Variants in ADGRG2 observed in about 807,000 individuals in gnomAD.
ADGRG2 encodes the protein G protein-coupled receptor 64.
Under a neutral mutation model 74.1 loss-of-function variants are expected in ADGRG2, and 26 were observed. The observed-to-expected ratio is 0.35, with a 90% confidence interval of 0.26 to 0.49. The LOEUF (loss-of-function observed/expected upper bound fraction) is 0.49, where lower values mean the gene tolerates loss of function less well. Ranked by LOEUF, ADGRG2 falls within the 20% of genes least tolerant of loss-of-function variation. The pLI is 0.99. For missense variants in ADGRG2, 619 were observed against 763.1 expected (o/e 0.81, Z 2.22); for synonymous variants, 296 against 295.2 (o/e 1.00, Z -0.03).
intron 3 of ADGRG2, among the ~76,000 whole-genome samples, chrX:19,040,505 A>G (rs2061036576): frequency 8.9e-6 from 1 of 112,453 alleles, no homozygotes; most frequent in African/African-American, 3.2e-5. Context: ...GGAGATTAAC[A>G]TCTTTAATGG....
intron 28 of ADGRG2, 79 bp downstream of exon 28, chrX:18,994,817 G>T: frequency 1.2e-6 from 1 of 820,348 alleles, no homozygotes; most frequent in Non-Finnish European, 1.7e-6. Context: ...ACTTTGCTTA[G>T]CCAAAATGCC....
intron 2 of ADGRG2, among the ~76,000 whole-genome samples, chrX:19,072,392 G>C (rs1328531488): frequency 9.0e-6 from 1 of 111,429 alleles, no homozygotes; most frequent in African/African-American, 3.3e-5. Flanking sequence ...TAAGTAAAAT[G>C]TTTTGAGTCC....
chrX:19,033,863 G>A (rs749195746), intron 7 of ADGRG2: 263 of 300,746 alleles, frequency 8.7e-4, no homozygotes, highest in Non-Finnish European at 1.4e-3. Context: ...GGGAGTTGGA[G>A]TTCCATGTTT....
At chrX:19,013,628 A>G in intron 16 of ADGRG2, 58 bp downstream of exon 16, 14 of 1,008,588 alleles carry the variant, frequency 1.4e-5, no homozygotes, top group Non-Finnish European at 1.9e-5. Flanking sequence ...AAGGCTCAAC[A>G]TGGTCTTATC....
chrX:19,008,641 G>C (rs1253566996), intron 18 of ADGRG2, among the ~76,000 whole-genome samples: 4 of 110,527 alleles, frequency 3.6e-5, no homozygotes, highest in Non-Finnish European at 5.7e-5. Flanking sequence ...ACTCAACCCT[G>C]GGTGACAGAG....
chrX:19,109,331 C>T (rs1483235523), intron 1 of ADGRG2, among the ~76,000 whole-genome samples: 1 of 111,768 alleles, frequency 8.9e-6, no homozygotes, highest in Non-Finnish European at 1.9e-5. Context: ...TGTCAAAAAG[C>T]GAATCATCTG....
intron 17 of ADGRG2, among the ~76,000 whole-genome samples, chrX:19,010,128 T>TG (rs1275908871): frequency 1.5e-4 from 16 of 107,686 alleles, no homozygotes; most frequent in African/African-American, 2.0e-4. Flanking sequence ...TTTTTGTTTT[T>TG]TTTTTTTTTT....
chrX:19,079,629 G>A (rs2061809725), intron 2 of ADGRG2, among the ~76,000 whole-genome samples: 1 of 112,264 alleles, frequency 8.9e-6, no homozygotes, highest in Admixed American at 9.5e-5. Flanking sequence ...TTGTTTGTCA[G>A]AGCACAAAGT....
intron 8 of ADGRG2, chrX:19,031,641 AT>A (rs1452118331): frequency 8.9e-6 from 1 of 112,175 alleles, no homozygotes; most frequent in Non-Finnish European, 1.9e-5. Flanking sequence ...AATAAAAAGC[AT>A]TTTTTAATTT....
intron 15 of ADGRG2, among the ~76,000 whole-genome samples, 199 bp from the exon 16 acceptor site, chrX:19,014,273 T>A (rs1484808706): frequency 9.0e-6 from 1 of 110,740 alleles, no homozygotes; most frequent in Non-Finnish European, 1.9e-5. Flanking sequence ...TACCACCTAC[T>A]TCCTGGGAGA....
chrX:18,992,037 CTG>C (rs754652987), intron 28 of ADGRG2, among the ~76,000 whole-genome samples: 1 of 111,751 alleles, frequency 8.9e-6, no homozygotes, highest in African/African-American at 3.3e-5. Context: ...TGCTTCCAAA[CTG>C]TGATCCTTGT....
At chrX:19,074,224 G>A (rs1364528092) in intron 2 of ADGRG2, among the ~76,000 whole-genome samples, 1 of 110,776 alleles carries the variant, frequency 9.0e-6, no homozygotes, top group Non-Finnish European at 1.9e-5. Flanking sequence ...AATGCTAAAA[G>A]CATTTTCTTA....
chrX:19,010,549 G>A, intron 17 of ADGRG2, 64 bp downstream of exon 17: 1 of 919,933 alleles, frequency 1.1e-6, no homozygotes, highest in Non-Finnish European at 1.5e-6. Context: ...TATTAATCAT[G>A]TGAGCAGCAT....
At chrX:19,035,754 T>C (rs1601950015) in intron 7 of ADGRG2, 188 bp downstream of exon 7, 3 of 333,647 alleles carry the variant, frequency 9.0e-6, no homozygotes, top group Non-Finnish European at 1.1e-5. Context: ...CTTTGGAAGT[T>C]TGGGAGTGTG....
chrX:19,098,237 C>A (rs1028619845), intron 1 of ADGRG2, among the ~76,000 whole-genome samples: 3 of 111,446 alleles, frequency 2.7e-5, no homozygotes, highest in African/African-American at 9.8e-5. Flanking sequence ...CCTAGGCCAG[C>A]TTCAGATGAA....
At chrX:19,040,265 G>A (rs1240707717) in intron 3 of ADGRG2, 41 bp from the exon 4 acceptor site, 6 of 904,106 alleles carry the variant, frequency 6.6e-6, no homozygotes, top group Admixed American at 2.4e-5. Flanking sequence ...GTTTCATGAG[G>A]ACTAAAATCA....
At chrX:19,025,581 A>C (rs1316807021) in intron 11 of ADGRG2, among the ~76,000 whole-genome samples, 1 of 110,181 alleles carries the variant, frequency 9.1e-6, no homozygotes, top group Non-Finnish European at 1.9e-5. Context: ...TTGTATTCTA[A>C]TTGTAAATTT....
intron 3 of ADGRG2, among the ~76,000 whole-genome samples, chrX:19,048,240 A>G (rs1254135330): frequency 8.9e-6 from 1 of 112,312 alleles, no homozygotes; most frequent in Non-Finnish European, 1.9e-5. Flanking sequence ...CCGAAATAAA[A>G]TGCAAATGTG....
chrX:19,066,858 G>C (rs1312232072), intron 3 of ADGRG2, among the ~76,000 whole-genome samples: 2 of 111,151 alleles, frequency 1.8e-5, no homozygotes, highest in Non-Finnish European at 3.8e-5. Flanking sequence ...TTTTCTTCTT[G>C]TTCCATGAAC....
Sources: gnomAD v4.1 joint callset for allele counts (sites outside exome capture counted in the v4.1 genomes callset) on GRCh38, gnomAD v4.1.1 for gene constraint, MANE v1.5 for transcripts, NCBI Gene and HGNC (gene_info 2026-07-23, HGNC 2026-07-21) for gene names.